The following B3GALT1 variants were observed in gnomAD, a reference collection of about 807,000 sequenced individuals.
B3GALT1 encodes beta-1,3-galactosyltransferase 1, also known as UDP-Gal:betaGlcNAc beta 1,3-galactosyltransferase, polypeptide 1.
B3GALT1 carries 10 observed loss-of-function variants against 23.2 expected under a neutral mutation model. The observed-to-expected ratio is 0.43, with a 90% CI of 0.27 to 0.73. The LOEUF (loss-of-function observed/expected upper bound fraction) is 0.73. Ranked by LOEUF, B3GALT1 falls within the 30% of genes least tolerant of loss-of-function variation. B3GALT1 has a pLI of 0.21. For missense variants in B3GALT1, 299 were observed against 405.4 expected (o/e 0.74, Z 2.25); for synonymous variants, 156 against 141.5 (o/e 1.10, Z -0.73).
At chr2:167,328,126 A>G (rs1303312596) in intron 1 of B3GALT1, among the ~76,000 whole-genome samples, 3 of 152,196 alleles carry the variant, frequency 2.0e-5, no homozygotes, top group African/African-American at 7.2e-5. Flanking sequence ...GTTTGCTAGT[A>G]TTTTGTTAAG....
intron 2 of B3GALT1, among the ~76,000 whole-genome samples, chr2:167,503,662 A>G (rs907197444): frequency 1.7e-4 from 26 of 152,070 alleles, no homozygotes; most frequent in African/African-American, 5.6e-4. Context: ...TGCCCACTCA[A>G]TTTCTCTTCT....
At chr2:167,596,670 T>C (rs1052443107) in intron 2 of B3GALT1, among the ~76,000 whole-genome samples, 1 of 131,864 alleles carries the variant, frequency 7.6e-6, no homozygotes. Flanking sequence ...AAATAGAGGA[T>C]TTTTTTTTGT....
At chr2:167,824,560 C>T (rs1246293336) in intron 4 of B3GALT1, among the ~76,000 whole-genome samples, 1 of 152,230 alleles carries the variant, frequency 6.6e-6, no homozygotes, top group East Asian at 1.9e-4. Context: ...CAGTCTTGCT[C>T]TCGGTCCTCT....
chr2:167,311,630 G>T (rs1696635294), intron 1 of B3GALT1, among the ~76,000 whole-genome samples: 1 of 151,944 alleles, frequency 6.6e-6, no homozygotes, highest in Non-Finnish European at 1.5e-5. Flanking sequence ...ACTCAAACTT[G>T]AAAATGTCTG....
intron 1 of B3GALT1, among the ~76,000 whole-genome samples, chr2:167,400,716 G>A (rs962128640): frequency 6.6e-6 from 1 of 152,108 alleles, no homozygotes; most frequent in Non-Finnish European, 1.5e-5. Context: ...GATTTGGAAA[G>A]GGCTGGAGGG....
intron 2 of B3GALT1, among the ~76,000 whole-genome samples, chr2:167,512,129 A>C (rs1252734858): frequency 6.6e-6 from 1 of 152,164 alleles, no homozygotes; most frequent in Non-Finnish European, 1.5e-5. Context: ...GTATCACAGT[A>C]AAAGTATAAT....
chr2:167,662,040 T>A (rs963306900), intron 3 of B3GALT1, among the ~76,000 whole-genome samples: 3 of 150,956 alleles, frequency 2.0e-5, no homozygotes, highest in African/African-American at 7.3e-5. Flanking sequence ...TATTTTTGAC[T>A]CTGTCTTGAT....
intron 3 of B3GALT1, among the ~76,000 whole-genome samples, chr2:167,786,309 A>T (rs928714619): frequency 6.6e-6 from 1 of 152,230 alleles, no homozygotes; most frequent in African/African-American, 2.4e-5. Context: ...CAGAACTGTG[A>T]TGAAGGTCAA....
chr2:167,870,626 C>G lies in B3GALT1; in HGVS notation c.*606C>G, dbSNP rs1456072087. ...TCTATGTGTTTGGAAGACAACTCTG[C>G]TTGCTCATCCAAGGATTAAATCTGG... On this transcript the variant is annotated 3_prime_UTR_variant, in exon 5 of 5. Transcript: ENST00000392690. The G allele has an allele frequency of 2.4e-5, 4 of 166,994 alleles. No homozygotes were observed. Among genetic ancestry groups the G allele is most frequent in the Non-Finnish European group, 5.9e-5 (4 of 68,126 alleles). The allele number at this position is 166,994 out of a possible 1,614,324, so 10.3% of individuals were successfully genotyped here.
chr2:167,633,785 A>T (rs111442682), intron 2 of B3GALT1, among the ~76,000 whole-genome samples: 2,961 of 152,214 alleles, frequency 0.019, 42 homozygotes, highest in Middle Eastern at 0.041. Context: ...AGACAGAACG[A>T]CAAGACAGAA....
chr2:167,494,709 T>A (rs890820727), intron 2 of B3GALT1, among the ~76,000 whole-genome samples: 1 of 152,202 alleles, frequency 6.6e-6, no homozygotes, highest in African/African-American at 2.4e-5. Flanking sequence ...CGTTTTTAAT[T>A]TTAAAGTAAA....
intron 1 of B3GALT1, among the ~76,000 whole-genome samples, chr2:167,295,768 C>CGTGTGTGTGT (rs57375833): frequency 5.6e-5 from 8 of 143,342 alleles, no homozygotes; most frequent in African/African-American, 2.0e-4. Flanking sequence ...TGTGTGTGTA[C>CGTGTGTGTGT]GTGTGTGTGT....
chr2:167,704,142 C>CT (rs1179658534), intron 3 of B3GALT1, among the ~76,000 whole-genome samples: 4 of 138,190 alleles, frequency 2.9e-5, no homozygotes, highest in Admixed American at 2.4e-4. Context: ...GATCGCACCA[C>CT]TGCACTCCAG....
At chr2:167,560,328 C>T (rs1683950793) in intron 2 of B3GALT1, among the ~76,000 whole-genome samples, 1 of 152,132 alleles carries the variant, frequency 6.6e-6, no homozygotes, top group Admixed American at 6.5e-5. Flanking sequence ...AAAGGCACAA[C>T]TGGTACCAGC....
chr2:167,302,958 T>C (rs140719522), intron 1 of B3GALT1, among the ~76,000 whole-genome samples: 1 of 152,344 alleles, frequency 6.6e-6, no homozygotes, highest in African/African-American at 2.4e-5. Context: ...GGAATTTTTC[T>C]AAAAGCATAA....
chr2:167,759,741 T>G (rs888606476), intron 3 of B3GALT1, among the ~76,000 whole-genome samples: 1 of 152,116 alleles, frequency 6.6e-6, no homozygotes, highest in Non-Finnish European at 1.5e-5. Context: ...CAGAGGCAAC[T>G]CTGCGGGGAA....
chr2:167,499,204 G>A (rs970444308), intron 2 of B3GALT1, among the ~76,000 whole-genome samples: 3 of 152,060 alleles, frequency 2.0e-5, no homozygotes, highest in South Asian at 2.1e-4. Flanking sequence ...TTCTGACTGC[G>A]TTAGTTGCAT....
chr2:167,435,433 CAAAAAAAAAAAA>C lies in B3GALT1; in HGVS notation c.-510-54726_-510-54715del, dbSNP rs1159357073. ...AGCGTGCTTTAGAAACATATGCTTG[CAAAAAAAAAAAA>C]AAAAAAAAAAAAAAAAAGCAGAGAA... is the stretch of plus-strand genomic sequence containing the variant. On this transcript the variant is annotated intron_variant, in intron 1 of 4. Coordinates refer to ENST00000392690, the MANE Select transcript of B3GALT1 (RefSeq NM_020981.4). Among the ~76,000 whole-genome samples, 28 of 26,212 alleles carry C rather than the reference CAAAAAAAAAAAA, an allele frequency of 1.1e-3. No homozygotes were observed. The South Asian group carries it at 0.022, about 21-fold the overall frequency. 17.2% of individuals were successfully genotyped at this position (26,212 alleles called of 152,430 possible).
At chr2:167,590,893 C>T (rs1684669393) in intron 2 of B3GALT1, among the ~76,000 whole-genome samples, 1 of 152,162 alleles carries the variant, frequency 6.6e-6, no homozygotes, top group African/African-American at 2.4e-5. Flanking sequence ...TATAAAGTAA[C>T]AGAGAATGGT....
Sources: gnomAD v4.1 joint callset for allele counts (sites outside exome capture counted in the v4.1 genomes callset) on GRCh38, gnomAD v4.1.1 for gene constraint, MANE v1.5 for transcripts, NCBI Gene and HGNC (gene_info 2026-07-23, HGNC 2026-07-21) for gene names.